Variants in SLC22A15 observed in about 807,000 individuals in gnomAD.
SLC22A15 encodes solute carrier family 22 member 15, also known as flipt 1.
A neutral mutation model predicts 62.7 loss-of-function variants in SLC22A15; 45 were observed. That is an observed-to-expected ratio of 0.72 (90% CI 0.56 to 0.92). The LOEUF is 0.92. Ranked by LOEUF, SLC22A15 falls within the 40% of genes least tolerant of loss-of-function variation. The pLI is 0.00. For missense variants in SLC22A15, 622 were observed against 665.6 expected, an observed-to-expected ratio of 0.93 and a Z score of 0.72; for synonymous variants, 264 against 267.0, an observed-to-expected ratio of 0.99 and a Z score of 0.11.
Position 116,066,579 on chromosome 1 carries a change from C to G in SLC22A15, c.1425C>G (p.Gly475=). Residue 475 remains glycine, a synonymous_variant, in exon 11 of 12, where the codon GGC becomes GGG. Coordinates refer to ENST00000369503, the MANE Select transcript of SLC22A15 (RefSeq NM_018420.3). ...TCGGAGCCACGGGTCTGACCTCCGGCCTCCTGAGTTTGTTATTGCCGGAGA... is the reference window on the plus strand; with the variant it reads ...TCGGAGCCACGGGTCTGACCTCCGGGCTCCTGAGTTTGTTATTGCCGGAGA... ...IVFGATGLTS[G]LLSLLLPETL... is the part of the protein sequence containing the mutation. 2 of 1,607,912 alleles carry G rather than the reference C, an allele frequency of 1.2e-6. No individual in the cohort carries two copies. The highest frequency in any genetic ancestry group is 1.7e-6 in the Non-Finnish European group (2 of 1,177,096).
At chr1:115,990,245 A>G (rs888754700) in intron 1 of SLC22A15, among the ~76,000 whole-genome samples, 1 of 152,204 alleles carries the variant, frequency 6.6e-6, no homozygotes, top group African/African-American at 2.4e-5. Context: ...GGCGAAGCGA[A>G]TGGTATGAAT....
At chr1:116,002,231 G>A (rs987273182) in intron 2 of SLC22A15, among the ~76,000 whole-genome samples, 2 of 152,198 alleles carry the variant, frequency 1.3e-5, no homozygotes, top group South Asian at 4.1e-4. Context: ...CCTGGAGTTA[G>A]GGGAAGGATG....
At chr1:116,013,250 A>G (rs1290099719) in intron 2 of SLC22A15, among the ~76,000 whole-genome samples, 1 of 152,128 alleles carries the variant, frequency 6.6e-6, no homozygotes, top group Non-Finnish European at 1.5e-5. Flanking sequence ...CACACAGGCC[A>G]TAACCCTCAC....
intron 4 of SLC22A15, among the ~76,000 whole-genome samples, chr1:116,022,811 T>C (rs914409912): frequency 6.6e-6 from 1 of 152,182 alleles, no homozygotes; most frequent in African/African-American, 2.4e-5. Flanking sequence ...GGTTGCCAAA[T>C]TCAATGTGAA....
intron 5 of SLC22A15, among the ~76,000 whole-genome samples, chr1:116,029,429 A>T (rs1457399333): frequency 6.6e-6 from 1 of 152,170 alleles, no homozygotes; most frequent in Non-Finnish European, 1.5e-5. Flanking sequence ...CCCTGCTGCT[A>T]TGTAGAGGAC....
intron 7 of SLC22A15, among the ~76,000 whole-genome samples, chr1:116,036,447 C>T (rs1314730945): frequency 6.6e-6 from 1 of 152,068 alleles, no homozygotes; most frequent in Admixed American, 6.6e-5. Flanking sequence ...CTTCTTAGCG[C>T]CCCCCAGAGT....
chr1:115,983,180 G>A (rs1654695573), intron 1 of SLC22A15, among the ~76,000 whole-genome samples: 1 of 152,092 alleles, frequency 6.6e-6, no homozygotes, highest in Admixed American at 6.5e-5. Flanking sequence ...AGAATTAGAG[G>A]AGCTTCAGTA....
chr1:116,028,558 A>G (rs1657221601), intron 5 of SLC22A15, among the ~76,000 whole-genome samples: 1 of 111,340 alleles, frequency 9.0e-6, no homozygotes, highest in South Asian at 3.0e-4. Context: ...TAAAATATAT[A>G]GTCTGAACTA....
intron 1 of SLC22A15, among the ~76,000 whole-genome samples, chr1:115,989,164 G>A (rs1357324784): frequency 6.6e-6 from 1 of 151,890 alleles, no homozygotes; most frequent in Non-Finnish European, 1.5e-5. Flanking sequence ...CAGGAGGTGG[G>A]TGAGGAAGAC....
At chr1:116,001,947 A>T (rs1655756979) in intron 2 of SLC22A15, among the ~76,000 whole-genome samples, 1 of 152,154 alleles carries the variant, frequency 6.6e-6, no homozygotes, top group African/African-American at 2.4e-5. Context: ...TAATCTTTGC[A>T]GTCTGGGCTT....
At chr1:116,012,210 G>GA (rs1317695396) in intron 2 of SLC22A15, among the ~76,000 whole-genome samples, 1 of 152,042 alleles carries the variant, frequency 6.6e-6, no homozygotes, top group African/African-American at 2.4e-5. Context: ...TAGGTCACAG[G>GA]AAAAAACGGA....
intron 1 of SLC22A15, among the ~76,000 whole-genome samples, chr1:115,982,789 A>G (rs1482596103): frequency 6.6e-6 from 1 of 152,176 alleles, no homozygotes; most frequent in Non-Finnish European, 1.5e-5. Context: ...TAAATTTTCT[A>G]AACATCGTTT....
At chr1:116,035,545 T>C (rs1254970277) in intron 7 of SLC22A15, among the ~76,000 whole-genome samples, 1 of 152,230 alleles carries the variant, frequency 6.6e-6, no homozygotes, top group Non-Finnish European at 1.5e-5. Context: ...TTTATATAGA[T>C]TTCAATTCAA....
At chr1:116,002,550 C>T (rs559495222) in intron 2 of SLC22A15, among the ~76,000 whole-genome samples, 17 of 151,828 alleles carry the variant, frequency 1.1e-4, no homozygotes, top group South Asian at 6.3e-4. Context: ...GAGCTGGTAC[C>T]GAGATTGCAA....
At chr1:116,018,604 ATCTGCCCCCC>A (rs762604503) in intron 2 of SLC22A15, among the ~76,000 whole-genome samples, 35,042 of 152,064 alleles carry the variant, frequency 0.23, 4,533 homozygotes, top group East Asian at 0.48. Flanking sequence ...TAACCTTGTG[ATCTGCCCCCC>A]TCAGCCTCTT....
In SLC22A15 at chr1:116,018,593, C is replaced by G. The variant is rs145533411; in HGVS notation, c.301-989C>G. On this transcript the variant is annotated intron_variant, in intron 2 of 11. Coordinates refer to ENST00000369503, the MANE Select transcript of SLC22A15 (RefSeq NM_018420.3). Reference sequence around the variant, plus strand: ...TGTTAGCCAGGATGGTCTTGATCTCCTAACCTTGTGATCTGCCCCCCTCAG... The same window carrying G: ...TGTTAGCCAGGATGGTCTTGATCTCGTAACCTTGTGATCTGCCCCCCTCAG... Among the ~76,000 whole-genome samples the G allele has an allele frequency of 3.8e-3, 538 of 141,698 alleles. 2 individuals carry two copies. The highest frequency in any genetic ancestry group is 7.9e-3 in the Middle Eastern group (2 of 254). The allele number at this position is 141,698 out of a possible 152,430, so 93.0% of individuals were successfully genotyped here.
At chr1:116,054,167 A>G (rs538713561) in intron 8 of SLC22A15, among the ~76,000 whole-genome samples, 71 of 152,324 alleles carry the variant, frequency 4.7e-4, no homozygotes, top group African/African-American at 1.5e-3. Context: ...CCCATCTCAC[A>G]TGCAGAGACA....
chr1:116,008,401 A>G (rs998571861), intron 2 of SLC22A15, among the ~76,000 whole-genome samples: 3 of 152,198 alleles, frequency 2.0e-5, no homozygotes, highest in African/African-American at 4.8e-5. Flanking sequence ...TTGTTGAACT[A>G]TAGAGTAGGG....
chr1:115,976,636 G>A lies in SLC22A15; in HGVS notation c.9G>A (p.Val3=). The A allele has an allele frequency of 2.5e-6, 4 of 1,582,600 alleles. No homozygotes were observed. The highest frequency in any genetic ancestry group is 1.4e-5 in the African/African-American group (1 of 72,348). Residue 3 remains valine (V), a synonymous_variant, in exon 1 of 12, where the codon GTG becomes GTA. Transcript: ENST00000369503. ME[V]EEAFQAVGEM... ...CCTGCGCGCGGCCCGCCATGGAGGT[G>A]GAGGAGGCGTTCCAGGCGGTGGGGG...
Sources: allele counts gnomAD v4.1 joint callset (sites outside exome capture counted in the v4.1 genomes callset), GRCh38; gene constraint gnomAD v4.1.1; transcripts MANE v1.5; gene names NCBI Gene and HGNC (gene_info 2026-07-23, HGNC 2026-07-21).